The following NPM2 variants were observed in gnomAD, a reference collection of about 807,000 sequenced individuals.
The protein encoded by NPM2 is nucleophosmin/nucleoplasmin 2.
A neutral mutation model predicts 32.0 loss-of-function variants in NPM2; 25 were observed. The observed-to-expected ratio is 0.78, with a 90% confidence interval of 0.57 to 1.09. NPM2 has a LOEUF of 1.09. Among genes scored for constraint, NPM2 ranks in the 50% least tolerant of loss-of-function variants. The pLI is 0.00. For missense variants in NPM2, 282 were observed against 259.9 expected (o/e 1.08, Z -0.58); for synonymous variants, 111 against 94.2 (o/e 1.18, Z -1.04).
intron 5 of NPM2, 168 bp from the exon 6 acceptor site, chr8:22,032,962 A>AGAAT: frequency 1.7e-6 from 1 of 602,754 alleles, no homozygotes; most frequent in Non-Finnish European, 3.0e-6. Context: ...GAGCTTAGCA[A>AGAAT]GAATGGGATT....
At chr8:22,033,071 A>T in intron 5 of NPM2, 59 bp from the exon 6 acceptor site, 1 of 1,260,378 alleles carries the variant, frequency 7.9e-7, no homozygotes, top group South Asian at 1.2e-5. Flanking sequence ...GCCTGAGGCT[A>T]GTCCCCGAGA....
chr8:22,027,901 C>A (rs992234614), intron 5 of NPM2, among the ~76,000 whole-genome samples: 1 of 152,176 alleles, frequency 6.6e-6, no homozygotes, highest in African/African-American at 2.4e-5. Flanking sequence ...GCCACCACAC[C>A]CAGCCAAATC....
At position 22,036,796 on chromosome 8, in the gene NPM2, G is replaced by GCATT; in HGVS notation, c.*115_*116insATTC. On this transcript the variant is annotated 3_prime_UTR_variant, in exon 10 of 10. Transcript: ENST00000518119. ...TGTGTCTGAATGCAACAGGGGTGTT[G>GCATT]CGGGGGCAACATGAGAGCCCCTCAC... is the stretch of plus-strand genomic sequence containing the variant. 9.1e-7 allele frequency: 1 copy of GCATT among 1,100,118 alleles called. No homozygotes were observed. Among genetic ancestry groups the GCATT allele is most frequent in the Non-Finnish European group, 1.3e-6 (1 of 791,388 alleles). The allele number at this position is 1,100,118 out of a possible 1,614,324, so 68.1% of individuals were successfully genotyped here. A position where few individuals can be genotyped will look rare whatever the true frequency, so the allele number is the denominator to read the frequency against.
rs1273585984 is a variant in NPM2 at position 22,034,501 on chromosome 8, G to C, written c.532-9G>C. ...GAACTCTCATAATACACTGTTTTTT[G>C]GTTCCCAGAAAAAAAAGCTGGAAAA... On this transcript the variant is annotated splice_polypyrimidine_tract_variant and intron_variant, in intron 7 of 9. Transcript: ENST00000518119. 1.9e-6 allele frequency: 3 copies of C among 1,607,018 alleles called. No individual in the cohort carries two copies. The highest frequency in any genetic ancestry group is 2.7e-5 in the African/African-American group (2 of 74,406).
chr8:22,025,518 T>C lies in NPM2; in HGVS notation c.141T>C (p.His47=), dbSNP rs377478271. 21 of 1,614,132 alleles carry C rather than the reference T, an allele frequency of 1.3e-5. No individual in the cohort carries two copies. The highest frequency in any genetic ancestry group is 1.6e-5 in the Non-Finnish European group (19 of 1,180,002). The change falls in exon 4 of 10, where the codon CAT becomes CAC. Residue 47 remains histidine (H), a synonymous_variant. Transcript: ENST00000518119. Reference sequence around the variant, plus strand: ...AGCAGAGCTGCAGGCTGTTGCTTCATACGGTAGGTGTTCCCAAAAGAGGGG... The same window carrying C: ...AGCAGAGCTGCAGGCTGTTGCTTCACACGGTAGGTGTTCCCAAAAGAGGGG... The part of the protein sequence containing the change: ...EGKQSCRLLL[H]TICLGEKAKE...
intron 2 of NPM2, 112 bp from the exon 3 acceptor site, chr8:22,025,104 C>T (rs1800190582): frequency 1.2e-6 from 1 of 850,274 alleles, no homozygotes; most frequent in African/African-American, 1.7e-5. Context: ...GGCAGGTCCC[C>T]TCCAGCCGCG....
At chr8:22,034,368 C>G in intron 7 of NPM2, 93 bp downstream of exon 7, 1 of 1,414,012 alleles carries the variant, frequency 7.1e-7, no homozygotes, top group South Asian at 1.3e-5. Flanking sequence ...GCCAGCCTCC[C>G]AGAATGAGTG....
intron 5 of NPM2, 41 bp from the exon 6 acceptor site, chr8:22,033,089 G>T (rs1800492813): frequency 6.8e-7 from 1 of 1,480,782 alleles, no homozygotes; most frequent in African/African-American, 1.4e-5. Flanking sequence ...AGAGGTGCCA[G>T]GCCTAAGTGG....
At chr8:22,031,014 T>A (rs1800421950) in intron 5 of NPM2, among the ~76,000 whole-genome samples, 1 of 152,234 alleles carries the variant, frequency 6.6e-6, no homozygotes, top group African/African-American at 2.4e-5. Context: ...GAATTCGATG[T>A]GGCCTGAGTT....
At chr8:22,025,016 C>T (rs1171836604) in intron 2 of NPM2, 186 bp downstream of exon 2, 1 of 544,778 alleles carries the variant, frequency 1.8e-6, no homozygotes. Context: ...TGTACGCGCC[C>T]GGTCGAGCCC....
At chr8:22,030,683 T>A (rs1316784983) in intron 5 of NPM2, among the ~76,000 whole-genome samples, 1 of 152,142 alleles carries the variant, frequency 6.6e-6, no homozygotes, top group African/African-American at 2.4e-5. Context: ...CATATTTCTG[T>A]ATATACATAT....
chr8:22,033,044 A>G (rs1800490937), intron 5 of NPM2, 86 bp from the exon 6 acceptor site: 1 of 970,604 alleles, frequency 1.0e-6, no homozygotes. Context: ...GGGGAGGGAA[A>G]TCAACTCAGT....
At chr8:22,033,647 G>T (rs1800516459) in intron 6 of NPM2, among the ~76,000 whole-genome samples, 1 of 152,180 alleles carries the variant, frequency 6.6e-6, no homozygotes, top group African/African-American at 2.4e-5. Context: ...CCTCTTTTCT[G>T]TATGATTATG....
At chr8:22,027,896 C>T (rs1465984653) in intron 5 of NPM2, among the ~76,000 whole-genome samples, 1 of 152,086 alleles carries the variant, frequency 6.6e-6, no homozygotes, top group East Asian at 1.9e-4. Flanking sequence ...CATGAGCCAC[C>T]ACACCCAGCC....
intron 8 of NPM2, 121 bp from the exon 9 acceptor site, chr8:22,036,372 C>T (rs1423467674): frequency 2.1e-6 from 2 of 940,296 alleles, no homozygotes; most frequent in Non-Finnish European, 3.2e-6. Flanking sequence ...CGAGTGGTCC[C>T]CAGGAGGAGC....
intron 9 of NPM2, 43 bp from the exon 10 acceptor site, chr8:22,036,595 G>A (rs1366354083): frequency 5.8e-6 from 9 of 1,557,384 alleles, no homozygotes; most frequent in Non-Finnish European, 7.8e-6. Context: ...TGCCTGGTAT[G>A]GAGAAGGGAA....
At chr8:22,027,272 C>T (rs1390050192) in intron 5 of NPM2, among the ~76,000 whole-genome samples, 1 of 152,180 alleles carries the variant, frequency 6.6e-6, no homozygotes, top group Non-Finnish European at 1.5e-5. Context: ...GATCAGCTGT[C>T]CTTGGAGGTT....
At chr8:22,035,149 G>C (rs908580524) in intron 8 of NPM2, among the ~76,000 whole-genome samples, 4 of 152,104 alleles carry the variant, frequency 2.6e-5, no homozygotes, top group Admixed American at 2.0e-4. Flanking sequence ...TTTGAATAGT[G>C]AAAAAATGGA....
chr8:22,025,059 C>A (rs1349922219), intron 2 of NPM2, 157 bp from the exon 3 acceptor site: 2 of 593,664 alleles, frequency 3.4e-6, no homozygotes, highest in East Asian at 3.0e-5. Flanking sequence ...GGTGGGTACT[C>A]GTCCTCCAGG....
Sources: gnomAD v4.1 joint callset for allele counts (sites outside exome capture counted in the v4.1 genomes callset) on GRCh38, gnomAD v4.1.1 for gene constraint, MANE v1.5 for transcripts, NCBI Gene and HGNC (gene_info 2026-07-23, HGNC 2026-07-21) for gene names.